Variants in ZNF385D observed in about 807,000 individuals in gnomAD.
ZNF385D encodes zinc finger protein 385D.
Under a neutral mutation model 35.8 loss-of-function variants are expected in ZNF385D, and 15 were observed. The observed-to-expected ratio is 0.42, with a 90% CI of 0.28 to 0.64. The LOEUF (loss-of-function observed/expected upper bound fraction) is 0.64, where lower values mean the gene tolerates loss of function less well. ZNF385D is among the 30% of genes least tolerant of loss of function. The pLI is 0.23. For missense variants in ZNF385D, 474 were observed against 494.6 expected, an observed-to-expected ratio of 0.96 and a Z score of 0.39; for synonymous variants, 212 against 186.8, an observed-to-expected ratio of 1.13 and a Z score of -1.10.
intron 3 of ZNF385D, among the ~76,000 whole-genome samples, chr3:22,012,384 T>C (rs1206482068): frequency 1.3e-5 from 2 of 152,152 alleles, no homozygotes; most frequent in Non-Finnish European, 2.9e-5. Context: ...ACAAATGTGT[T>C]TTAGTGCTAA....
intron 3 of ZNF385D, among the ~76,000 whole-genome samples, chr3:21,932,193 A>AAAAAAAAAAAAC: frequency 7.1e-6 from 1 of 141,036 alleles, no homozygotes; most frequent in Non-Finnish European, 1.5e-5. Flanking sequence ...AAAAAAAAAA[A>AAAAAAAAAAAAC]AGTGTGACTT....
chr3:21,977,317 AT>A (rs1400872194), intron 3 of ZNF385D, among the ~76,000 whole-genome samples: 1 of 144,924 alleles, frequency 6.9e-6, no homozygotes, highest in East Asian at 2.1e-4. Context: ...TACATACTAC[AT>A]TTCAATTAAC....
At chr3:22,085,436 TACTA>T (rs1373401054) in intron 3 of ZNF385D, among the ~76,000 whole-genome samples, 1 of 152,128 alleles carries the variant, frequency 6.6e-6, no homozygotes, top group African/African-American at 2.4e-5. Context: ...CATCAGAGAA[TACTA>T]TAAACACCTC....
intron 3 of ZNF385D, among the ~76,000 whole-genome samples, chr3:22,072,598 T>C (rs1207233834): frequency 6.6e-6 from 1 of 151,914 alleles, no homozygotes; most frequent in Non-Finnish European, 1.5e-5. Flanking sequence ...AGGTATATTG[T>C]TATATTACCT....
At chr3:21,440,642 T>C (rs1701814058) in intron 4 of ZNF385D, among the ~76,000 whole-genome samples, 1 of 152,082 alleles carries the variant, frequency 6.6e-6, no homozygotes, top group South Asian at 2.1e-4. Context: ...AACATTAATG[T>C]GAGATGTTAA....
chr3:21,815,972 G>A (rs2073130458), intron 3 of ZNF385D, among the ~76,000 whole-genome samples: 1 of 152,142 alleles, frequency 6.6e-6, no homozygotes, highest in Non-Finnish European at 1.5e-5. Context: ...ACATTAAAAA[G>A]CTTAACTGCC....
intron 3 of ZNF385D, among the ~76,000 whole-genome samples, chr3:22,044,127 T>C (rs1698841821): frequency 6.6e-6 from 1 of 151,312 alleles, no homozygotes; most frequent in Non-Finnish European, 1.5e-5. Flanking sequence ...GGCCTCAGGA[T>C]TTGGTGGGTA....
intron 2 of ZNF385D, among the ~76,000 whole-genome samples, chr3:22,350,454 G>T (rs1438543294): frequency 6.6e-6 from 1 of 151,982 alleles, no homozygotes; most frequent in Non-Finnish European, 1.5e-5. Context: ...CCCTATTAAT[G>T]ATCAAAGTTC....
intron 4 of ZNF385D, 140 bp downstream of exon 4, chr3:21,510,721 A>G (rs1425185346): frequency 8.9e-7 from 1 of 1,129,674 alleles, no homozygotes; most frequent in Non-Finnish European, 1.3e-6. Context: ...ATGAGAGGAA[A>G]CAATTACCAT....
At chr3:21,695,758 T>C (rs116751603) in intron 1 of ZNF385D, among the ~76,000 whole-genome samples, 2 of 100,218 alleles carry the variant, frequency 2.0e-5, no homozygotes, top group Admixed American at 2.4e-4. Flanking sequence ...AAATATATAT[T>C]ATATATATAT....
At chr3:21,767,591 G>A (rs1575614453) in intron 3 of ZNF385D, among the ~76,000 whole-genome samples, 1 of 151,906 alleles carries the variant, frequency 6.6e-6, no homozygotes, top group Non-Finnish European at 1.5e-5. Context: ...TTGATTCACA[G>A]TAGGTGCCCA....
intron 3 of ZNF385D, among the ~76,000 whole-genome samples, chr3:21,517,138 T>A (rs1707621800): frequency 6.6e-6 from 1 of 152,042 alleles, no homozygotes. Context: ...GATCCTAAAT[T>A]TCTCAAAATG....
chr3:22,299,504 C>T (rs1042586890), intron 2 of ZNF385D, among the ~76,000 whole-genome samples: 2 of 151,324 alleles, frequency 1.3e-5, no homozygotes, highest in African/African-American at 4.8e-5. Context: ...ATAAAAATAC[C>T]AATGAACATC....
intron 3 of ZNF385D, among the ~76,000 whole-genome samples, chr3:21,975,557 T>A (rs1437512679): frequency 1.3e-5 from 2 of 152,028 alleles, no homozygotes; most frequent in East Asian, 3.9e-4. Flanking sequence ...ATAATTTGGT[T>A]GTAACACAAA....
At chr3:22,123,962 C>CTCTATA (rs1491571691) in intron 3 of ZNF385D, among the ~76,000 whole-genome samples, 102 of 61,832 alleles carry the variant, frequency 1.6e-3, no homozygotes, top group Non-Finnish European at 2.8e-3. Flanking sequence ...CTCTCTCTCT[C>CTCTATA]TATATATATA....
At chr3:21,674,315 T>G (rs1461868252) in intron 1 of ZNF385D, among the ~76,000 whole-genome samples, 2 of 152,002 alleles carry the variant, frequency 1.3e-5, no homozygotes, top group Non-Finnish European at 2.9e-5. Context: ...GAGGGTATCA[T>G]AATGGAGACC....
chr3:21,830,342 G>C (rs902193413), intron 3 of ZNF385D, among the ~76,000 whole-genome samples: 1 of 152,146 alleles, frequency 6.6e-6, no homozygotes, highest in Non-Finnish European at 1.5e-5. Context: ...TGAGCTGTTT[G>C]GATGAATTGA....
At chr3:22,246,823 C>T (rs1464307609) in intron 2 of ZNF385D, among the ~76,000 whole-genome samples, 3 of 152,100 alleles carry the variant, frequency 2.0e-5, no homozygotes, top group East Asian at 1.9e-4. Flanking sequence ...TCCCTAATAA[C>T]GGCTCTCCTT....
chr3:21,586,571 G>A (rs143728693), intron 2 of ZNF385D, among the ~76,000 whole-genome samples: 2,229 of 152,254 alleles, frequency 0.015, 24 homozygotes, highest in Middle Eastern at 0.051. Flanking sequence ...ATGAATTAAA[G>A]ACAAATTGAG....
Sources: allele counts gnomAD v4.1 joint callset (sites outside exome capture counted in the v4.1 genomes callset), GRCh38; gene constraint gnomAD v4.1.1; transcripts MANE v1.5; gene names NCBI Gene and HGNC (gene_info 2026-07-23, HGNC 2026-07-21).